The following NUP153 variants were observed in gnomAD, a reference collection of about 807,000 sequenced individuals.
The protein encoded by NUP153 is nuclear pore complex protein Nup153.
Under a neutral mutation model 134.6 loss-of-function variants are expected in NUP153, and 27 were observed. The observed-to-expected ratio is 0.20, with a 90% confidence interval of 0.15 to 0.28. The LOEUF (loss-of-function observed/expected upper bound fraction) is 0.28. Among genes scored for constraint, NUP153 ranks in the 10% least tolerant of loss-of-function variants. The probability of loss-of-function intolerance (pLI) is 1.00; values close to 1 mark genes in which losing one functional copy is unlikely to be tolerated. For missense variants in NUP153, 1,821 were observed against 1,731.3 expected (o/e 1.05, Z -0.92); for synonymous variants, 640 against 623.5 (o/e 1.03, Z -0.40).
intron 15 of NUP153, 82 bp downstream of exon 15, chr6:17,639,857 A>G: frequency 7.6e-7 from 1 of 1,309,178 alleles, no homozygotes; most frequent in South Asian, 1.8e-5. Flanking sequence ...GAAATTTTTA[A>G]AAGCCTAAAG....
At chr6:17,663,364 C>T (rs1051183079) in intron 9 of NUP153, among the ~76,000 whole-genome samples, 2 of 151,990 alleles carry the variant, frequency 1.3e-5, no homozygotes, top group African/African-American at 4.8e-5. Flanking sequence ...TGGGCTCTCA[C>T]GTGATCCTCC....
intron 1 of NUP153, among the ~76,000 whole-genome samples, chr6:17,700,563 G>T (rs1260133392): frequency 6.6e-6 from 1 of 152,196 alleles, no homozygotes; most frequent in Non-Finnish European, 1.5e-5. Flanking sequence ...CTTCTGGAAT[G>T]ATTTAAATAT....
chr6:17,682,919 A>AAAG (rs1276504403), intron 2 of NUP153, among the ~76,000 whole-genome samples: 1 of 123,192 alleles, frequency 8.1e-6, no homozygotes, highest in Non-Finnish European at 1.7e-5. Context: ...CTGTCTCAAA[A>AAAG]AAGAAGAAAA....
At position 17,632,721 on chromosome 6, in the gene NUP153, T is replaced by G. The variant is rs1169237704; in HGVS notation, c.2588A>C (p.Gln863Pro). 44 of 1,613,916 alleles carry G rather than the reference T, an allele frequency of 2.7e-5. No individual in the cohort carries two copies. In the Admixed American group the frequency reaches 7.3e-4, roughly 27 times the overall value. Residue 863 changes from glutamine (Q) to proline (P), a missense_variant, in exon 17 of 22, where the codon CAG becomes CCG. Coordinates refer to ENST00000262077, the MANE Select transcript of NUP153 (RefSeq NM_005124.4). ...GSWDCELCLV[Q>P]NKADSTKCLA... ...ACATTTGGTAGAGTCTGCCTTATTC[T>G]GCACTAGGCACAATTCACAGTCCCA...
At chr6:17,634,076 T>C (rs1407290697) in intron 16 of NUP153, among the ~76,000 whole-genome samples, 1 of 152,160 alleles carries the variant, frequency 6.6e-6, no homozygotes, top group African/African-American at 2.4e-5. Context: ...AATCAATTTC[T>C]GACTCTTCTA....
chr6:17,632,595 G>A (rs886182885), intron 17 of NUP153, 55 bp downstream of exon 17: 5 of 1,318,376 alleles, frequency 3.8e-6, no homozygotes, highest in Non-Finnish European at 3.1e-6. Context: ...ATTTTTAAAT[G>A]GCCTTACAAA....
intron 14 of NUP153, among the ~76,000 whole-genome samples, chr6:17,643,529 T>TA (rs1250981767): frequency 6.6e-6 from 1 of 152,058 alleles, no homozygotes; most frequent in Non-Finnish European, 1.5e-5. Flanking sequence ...AAAACAAACT[T>TA]ATAATTTAAT....
chr6:17,699,188 A>C, intron 1 of NUP153, among the ~76,000 whole-genome samples: 1 of 64,910 alleles, frequency 1.5e-5, no homozygotes, highest in South Asian at 7.8e-4. Context: ...AGCTACAAAT[A>C]ATTTTTTTTT....
intron 1 of NUP153, among the ~76,000 whole-genome samples, chr6:17,704,161 G>A (rs1770310224): frequency 6.6e-6 from 1 of 152,042 alleles, no homozygotes; most frequent in Non-Finnish European, 1.5e-5. Flanking sequence ...GCGTGGTGGC[G>A]GGCGCCTGTA....
chr6:17,645,803 A>C (rs1437341654), intron 14 of NUP153, among the ~76,000 whole-genome samples: 1 of 152,190 alleles, frequency 6.6e-6, no homozygotes, highest in Non-Finnish European at 1.5e-5. Context: ...GTTTTGACTA[A>C]ACAAAGATAG....
At chr6:17,688,774 A>T (rs1398914567) in intron 1 of NUP153, among the ~76,000 whole-genome samples, 156 bp from the exon 2 acceptor site, 4 of 152,234 alleles carry the variant, frequency 2.6e-5, no homozygotes, top group Admixed American at 2.0e-4. Context: ...AATGGTTTTT[A>T]CAAATTCTAC....
At chr6:17,682,975 C>T (rs1373686891) in intron 2 of NUP153, among the ~76,000 whole-genome samples, 1 of 151,704 alleles carries the variant, frequency 6.6e-6, no homozygotes, top group African/African-American at 2.4e-5. Flanking sequence ...GAAGCAACTC[C>T]TTATCCATTC....
intron 2 of NUP153, among the ~76,000 whole-genome samples, chr6:17,679,432 T>C (rs895111647): frequency 1.1e-4 from 16 of 152,192 alleles, no homozygotes; most frequent in Admixed American, 8.5e-4. Context: ...TGTTGGGATG[T>C]CAATACTATT....
chr6:17,617,164 A>G (rs979671425), intron 20 of NUP153, among the ~76,000 whole-genome samples: 2 of 152,230 alleles, frequency 1.3e-5, no homozygotes, highest in African/African-American at 4.8e-5. Flanking sequence ...ACTGACACAT[A>G]GTACATACTT....
intron 9 of NUP153, among the ~76,000 whole-genome samples, chr6:17,663,159 A>G (rs188055592): frequency 2.6e-5 from 4 of 152,170 alleles, no homozygotes; most frequent in Admixed American, 2.0e-4. Context: ...GAGCAAATGT[A>G]GTAAAATGTG....
At chr6:17,654,924 A>G (rs1182389441) in intron 11 of NUP153, among the ~76,000 whole-genome samples, 5 of 152,204 alleles carry the variant, frequency 3.3e-5, no homozygotes, top group Admixed American at 2.0e-4. Context: ...ACATGAACAC[A>G]ATATTTATTC....
At chr6:17,616,289 G>GA (rs1031300981) in intron 21 of NUP153, 108 bp from the exon 22 acceptor site, 9 of 467,228 alleles carry the variant, frequency 1.9e-5, no homozygotes, top group African/African-American at 1.4e-4. Context: ...GGGTGGGGGG[G>GA]GAGTAGACTC....
intron 8 of NUP153, among the ~76,000 whole-genome samples, chr6:17,666,631 T>C (rs1424081562): frequency 6.6e-6 from 1 of 152,200 alleles, no homozygotes; most frequent in African/African-American, 2.4e-5. Context: ...CCAAAAATCT[T>C]ACAATGTAAG....
rs1288565784 is a variant in NUP153 at position 17,675,504 on chromosome 6, A to G, written c.583+18T>C. ...AATGTTACTACCCAAATTATGTACT[A>G]CCACATGTCAAGAATACCTTTATCA... is the stretch of plus-strand genomic sequence containing the variant. On this transcript the variant is annotated intron_variant, in intron 3 of 21. Coordinates refer to ENST00000262077, the MANE Select transcript of NUP153 (RefSeq NM_005124.4). This position sits in a 1 kb window ranked among gnomAD's most constrained non-coding sequence, Gnocchi z 4.4. 1.9e-6 allele frequency: 3 copies of G among 1,613,092 alleles called. No homozygotes were observed. The highest frequency in any genetic ancestry group is 2.5e-6 in the Non-Finnish European group (3 of 1,179,104).
Sources: gnomAD v4.1 joint callset for allele counts (sites outside exome capture counted in the v4.1 genomes callset) on GRCh38, gnomAD v4.1.1 for gene constraint, Gnocchi (gnomAD v3.1) non-coding constraint, MANE v1.5 for transcripts, NCBI Gene and HGNC (gene_info 2026-07-23, HGNC 2026-07-21) for gene names.